Variants in NOX5 observed in about 807,000 individuals in gnomAD.
The protein encoded by NOX5 is NADPH oxidase 5.
A neutral mutation model predicts 85.7 loss-of-function variants in NOX5; 76 were observed. The ratio of observed to expected loss-of-function variants is 0.89; its 90% confidence interval spans 0.74 to 1.07. The LOEUF (loss-of-function observed/expected upper bound fraction) is 1.07. Among genes scored for constraint, NOX5 ranks in the 50% least tolerant of loss-of-function variants. NOX5 has a pLI of 0.00. For synonymous variants in NOX5, 405 were observed against 401.4 expected, an observed-to-expected ratio of 1.01 and a Z score of -0.11; for missense variants, 973 against 999.5, an observed-to-expected ratio of 0.97 and a Z score of 0.36.
chr15:69,057,996 C>G lies in NOX5; in HGVS notation c.*1300C>G, dbSNP rs2050833968. ...GAGGACAGGGTGGGCCTCACCTCCT[C>G]CATCTGAGCTGGACATTTCCATCTG... is the stretch of plus-strand genomic sequence containing the variant. On this transcript the variant is annotated 3_prime_UTR_variant, in exon 16 of 16. Coordinates refer to ENST00000388866, the MANE Select transcript of NOX5 (RefSeq NM_024505.4). 6.6e-6 allele frequency: 1 copy of G among 152,420 alleles called. No individual in the cohort carries two copies. Among genetic ancestry groups the G allele is most frequent in the East Asian group, 1.9e-4 (1 of 5,174 alleles). The allele number at this position is 152,420 out of a possible 1,614,324, so 9.4% of individuals were successfully genotyped here. A position where few individuals can be genotyped will look rare whatever the true frequency, so the allele number is the denominator to read the frequency against.
intron 10 of NOX5, among the ~76,000 whole-genome samples, chr15:69,044,592 G>A (rs1056700940): frequency 7.2e-5 from 11 of 152,004 alleles, no homozygotes; most frequent in African/African-American, 2.4e-4. Context: ...AAAATGATTT[G>A]GTCAATTTAA....
intron 1 of NOX5, among the ~76,000 whole-genome samples, chr15:69,021,618 A>G (rs1337523143): frequency 6.6e-6 from 1 of 152,072 alleles, no homozygotes; most frequent in Admixed American, 6.5e-5. Context: ...ACCTAGCCTA[A>G]CTGTCATTTT....
At chr15:69,046,712 G>A in intron 10 of NOX5, 110 bp from the exon 11 acceptor site, 1 of 1,012,520 alleles carries the variant, frequency 9.9e-7, no homozygotes, top group Non-Finnish European at 1.5e-6. Flanking sequence ...GGCAGAAAAA[G>A]CAATTCCCTT....
At chr15:69,038,744 G>A in intron 8 of NOX5, 113 bp from the exon 9 acceptor site, 2 of 1,431,072 alleles carry the variant, frequency 1.4e-6, no homozygotes, top group South Asian at 1.2e-5. Context: ...CATGTCTCGG[G>A]GCATGCCTGT....
intron 10 of NOX5, among the ~76,000 whole-genome samples, chr15:69,045,605 TTTTC>T (rs1463364112): frequency 1.5e-5 from 2 of 130,228 alleles, no homozygotes; most frequent in East Asian, 5.2e-4. Context: ...TTTCTTTTTT[TTTTC>T]TCTCTCTCTC....
intron 9 of NOX5, among the ~76,000 whole-genome samples, chr15:69,040,890 G>A (rs1456641776): frequency 1.3e-5 from 2 of 152,072 alleles, no homozygotes; most frequent in African/African-American, 2.4e-5. Context: ...ATTTCACCAC[G>A]TTGGCCAGGC....
intron 12 of NOX5, 98 bp downstream of exon 12, chr15:69,047,635 C>A (rs2050692451): frequency 1.4e-6 from 2 of 1,466,432 alleles, no homozygotes; most frequent in Non-Finnish European, 1.8e-6. Context: ...CCTCTCCTTT[C>A]ACCTGTCTCT....
In NOX5 at chr15:69,019,460, G is replaced by A. The variant is rs571480694; in HGVS notation, c.50+4675G>A. On this transcript the variant is annotated intron_variant, in intron 1 of 15. Coordinates refer to ENST00000388866, the MANE Select transcript of NOX5 (RefSeq NM_024505.4). ...GGAATAAAGAAATCTCTACATTATG[G>A]CTCATACCTGTATGTGAATCCATAA... 7.9e-5 allele frequency among the ~76,000 whole-genome samples: 12 copies of A among 152,290 alleles called. No individual in the cohort carries two copies. In the South Asian group the frequency reaches 2.5e-3, roughly 32 times the overall value.
Position 69,062,752 on chromosome 15 carries a change from A to G in NOX5, c.*6056A>G, listed in dbSNP as rs2050882878. On this transcript the variant is annotated 3_prime_UTR_variant, in exon 16 of 16. Coordinates refer to ENST00000388866, the MANE Select transcript of NOX5 (RefSeq NM_024505.4). ...CAGAATAAACAGCCTGCTCCGTAGGATTGTACTGTACGTACCTACTTGTAC... is the reference window on the plus strand; with the variant it reads ...CAGAATAAACAGCCTGCTCCGTAGGGTTGTACTGTACGTACCTACTTGTAC... 1 of 152,202 alleles carries G rather than the reference A, an allele frequency of 6.6e-6. No homozygotes were observed. The highest frequency in any genetic ancestry group is 2.4e-5 in the African/African-American group (1 of 41,424). The allele number at this position is 152,202 out of a possible 1,614,324, so 9.4% of individuals were successfully genotyped here.
At position 69,061,474 on chromosome 15, in the gene NOX5, G is replaced by A. The variant is rs987098989; in HGVS notation, c.*4778G>A. 1.3e-5 allele frequency: 2 copies of A among 152,276 alleles called. No homozygotes were observed. Among genetic ancestry groups the A allele is most frequent in the Non-Finnish European group, 2.9e-5 (2 of 68,056 alleles). 9.4% of individuals were successfully genotyped at this position (152,276 alleles called of 1,614,324 possible). ...AGCCTGGGAGTTGAGATGCCTCAGGGCACACTGTCTGTGCTAAACAAATAC... is the reference window on the plus strand; with the variant it reads ...AGCCTGGGAGTTGAGATGCCTCAGGACACACTGTCTGTGCTAAACAAATAC... On this transcript the variant is annotated 3_prime_UTR_variant, in exon 16 of 16. Coordinates refer to ENST00000388866, the MANE Select transcript of NOX5 (RefSeq NM_024505.4).
In NOX5 at chr15:69,031,719, C is replaced by T. The variant is rs766116758; in HGVS notation, c.527C>T (p.Ser176Leu). 7 of 1,612,838 alleles carry T rather than the reference C, an allele frequency of 4.3e-6. No individual in the cohort carries two copies. Among genetic ancestry groups the T allele is most frequent in the Middle Eastern group, 1.6e-4 (1 of 6,080 alleles). ...CAGCTGACGCTGGCGCTCTTCGAAT[C>T]GGCCGACGCGGACGGCAACGGGGCC... is the stretch of plus-strand genomic sequence containing the variant. ...LDQLTLALFE[S>L]ADADGNGAIT... is the part of the protein sequence containing the mutation. The change falls in exon 4 of 16, where the codon TCG becomes TTG. Residue 176 changes from serine (S) to leucine (L), a missense_variant. Transcript: ENST00000388866.
Position 69,035,387 on chromosome 15 carries a change from CG to C in NOX5, c.892del (p.Ala298ProfsTer24). On this transcript the variant is annotated frameshift_variant, in exon 6 of 16. Coordinates refer to ENST00000388866, the MANE Select transcript of NOX5 (RefSeq NM_024505.4). LOFTEE classifies it high-confidence loss of function. ...GCTCAGACGCTGCCTCACCTGGCTG[CG>C]GGCCACGTGGCTGGCTCAAGTCCTA... is the stretch of plus-strand genomic sequence containing the variant. ...LMLRRCLTWL[R>X]ATWLAQVLPL... 6.2e-7 allele frequency: 1 copy of C among 1,614,102 alleles called. No homozygotes were observed. Among genetic ancestry groups the C allele is most frequent in the African/African-American group, 1.3e-5 (1 of 75,034 alleles).
chr15:69,015,461 C>G (rs2050219625), intron 1 of NOX5, among the ~76,000 whole-genome samples: 1 of 152,148 alleles, frequency 6.6e-6, no homozygotes. Flanking sequence ...CCAGAATTCT[C>G]TCTGCTTTGT....
chr15:69,043,844 A>G (rs1425116514), intron 10 of NOX5, among the ~76,000 whole-genome samples: 2 of 152,188 alleles, frequency 1.3e-5, no homozygotes, highest in African/African-American at 4.8e-5. Flanking sequence ...CATTTTAAAT[A>G]TGTATACCTA....
chr15:69,050,104 G>A (rs555398260), intron 14 of NOX5, among the ~76,000 whole-genome samples: 9 of 152,136 alleles, frequency 5.9e-5, no homozygotes, highest in Admixed American at 2.6e-4. Flanking sequence ...TCCGTCTGAC[G>A]TCTTTCACTT....
intron 11 of NOX5, 178 bp from the exon 12 acceptor site, chr15:69,047,235 C>A: frequency 1.3e-6 from 1 of 748,926 alleles, no homozygotes; most frequent in Non-Finnish European, 2.1e-6. Flanking sequence ...CAGACTGGTG[C>A]TGAGAGCACA....
chr15:69,051,532 A>T (rs550752539), intron 14 of NOX5, among the ~76,000 whole-genome samples: 33 of 152,038 alleles, frequency 2.2e-4, no homozygotes, highest in Non-Finnish European at 3.8e-4. Flanking sequence ...AGTGTGCGCC[A>T]CCATGCCCAG....
chr15:69,041,468 T>A (rs565061333), intron 9 of NOX5, among the ~76,000 whole-genome samples: 1 of 152,358 alleles, frequency 6.6e-6, no homozygotes, highest in South Asian at 2.1e-4. Flanking sequence ...TTTTCTTCAA[T>A]GATAAATGTG....
At chr15:69,028,458 A>G in intron 3 of NOX5, 93 bp downstream of exon 3, 17 of 1,299,658 alleles carry the variant, frequency 1.3e-5, no homozygotes, top group Non-Finnish European at 1.8e-5. Context: ...TGGAGGTGCC[A>G]TCCCGGCCTC....
Sources: gnomAD v4.1 joint callset for allele counts (sites outside exome capture counted in the v4.1 genomes callset) on GRCh38, gnomAD v4.1.1 for gene constraint, MANE v1.5 for transcripts, NCBI Gene and HGNC (gene_info 2026-07-23, HGNC 2026-07-21) for gene names.